The following KLHL13 variants were observed in gnomAD, a reference collection of about 807,000 sequenced individuals.
KLHL13 encodes the protein kelch-like protein 13.
A neutral mutation model predicts 37.1 loss-of-function variants in KLHL13; 10 were observed. The observed-to-expected ratio is 0.27, with a 90% CI of 0.17 to 0.46. The LOEUF is 0.46. Ranked by LOEUF, KLHL13 falls within the 20% of genes least tolerant of loss-of-function variation. The probability of loss-of-function intolerance (pLI) is 1.00; values close to 1 mark genes in which losing one functional copy is unlikely to be tolerated. For missense variants in KLHL13, 360 were observed against 509.3 expected (o/e 0.71, Z 2.82); for synonymous variants, 163 against 181.2 (o/e 0.90, Z 0.81).
chrX:117,913,748 CAGG>C (rs998061977), intron 4 of KLHL13, among the ~76,000 whole-genome samples: 32 of 108,601 alleles, frequency 2.9e-4, no homozygotes, highest in African/African-American at 1.1e-3. Flanking sequence ...GAGGCTGAGG[CAGG>C]AGAATCACTT....
intron 1 of KLHL13, among the ~76,000 whole-genome samples, chrX:118,053,765 T>TTG (rs774059071): frequency 0.012 from 818 of 67,676 alleles, 8 homozygotes; most frequent in African/African-American, 0.017. Flanking sequence ...CAATCTCAAT[T>TTG]TGTGTGTGTG....
intron 1 of KLHL13, among the ~76,000 whole-genome samples, chrX:118,109,066 T>C (rs1418050834): frequency 2.7e-5 from 3 of 112,262 alleles, no homozygotes; most frequent in African/African-American, 9.7e-5. Context: ...TGCTCCCGCC[T>C]AGGCGTCCCA....
chrX:117,951,771 G>A (rs1374585706), intron 1 of KLHL13, among the ~76,000 whole-genome samples: 1 of 112,360 alleles, frequency 8.9e-6, no homozygotes, highest in African/African-American at 3.2e-5. Context: ...CCCAGCACCT[G>A]CTGTGTACTA....
chrX:118,000,300 A>C (rs2053904958), intron 1 of KLHL13, among the ~76,000 whole-genome samples: 1 of 112,055 alleles, frequency 8.9e-6, no homozygotes, highest in Admixed American at 9.5e-5. Context: ...TCAGGCTGCA[A>C]CCTTCTCTCC....
intron 1 of KLHL13, among the ~76,000 whole-genome samples, chrX:118,102,116 T>G (rs1443828553): frequency 9.0e-6 from 1 of 110,751 alleles, no homozygotes; most frequent in Non-Finnish European, 1.9e-5. Flanking sequence ...CAGGCAGGAG[T>G]CAAGTCATGA....
chrX:117,960,951 CT>C (rs1310781561), intron 1 of KLHL13, among the ~76,000 whole-genome samples: 3 of 111,763 alleles, frequency 2.7e-5, no homozygotes, highest in Non-Finnish European at 5.6e-5. Flanking sequence ...TTACTATTAA[CT>C]TTTAATAAGA....
intron 1 of KLHL13, among the ~76,000 whole-genome samples, chrX:118,110,029 C>T (rs1340799572): frequency 1.8e-5 from 2 of 111,329 alleles, no homozygotes; most frequent in Non-Finnish European, 3.8e-5. Flanking sequence ...AAAGAAAATA[C>T]ACCAATTGTG....
At position 117,990,637 on chromosome X, in the gene KLHL13, T is replaced by C. The variant is rs985481706; in HGVS notation, c.-55-45062A>G. 4.4e-4 allele frequency among the ~76,000 whole-genome samples: 49 copies of C among 111,363 alleles called. No homozygotes were observed. In the Admixed American group the frequency reaches 4.5e-3, roughly 10 times the overall value. On this transcript the variant is annotated intron_variant, in intron 1 of 6. Transcript: ENST00000371882. The stretch of plus-strand genomic sequence containing the variant: ...CACTACATGGAGCAAAAAAATGAAA[T>C]AGCAAATTCAACCAAGCAAGTCACT...
intron 1 of KLHL13, among the ~76,000 whole-genome samples, chrX:118,029,053 C>T (rs1383869677): frequency 9.0e-6 from 1 of 111,323 alleles, no homozygotes; most frequent in East Asian, 2.8e-4. Context: ...GGGTTCGGTA[C>T]TCTCCACGTT....
chrX:118,050,034 C>T (rs1253842375), intron 1 of KLHL13, among the ~76,000 whole-genome samples: 1 of 112,185 alleles, frequency 8.9e-6, no homozygotes, highest in African/African-American at 3.2e-5. Flanking sequence ...AATATCATTC[C>T]TCCCGTCTTT....
At chrX:118,110,791 C>T (rs749972130) in intron 1 of KLHL13, among the ~76,000 whole-genome samples, 3 of 111,322 alleles carry the variant, frequency 2.7e-5, no homozygotes, top group Non-Finnish European at 5.6e-5. Context: ...GAATTTCTTA[C>T]CCCCACCCCC....
intron 1 of KLHL13, among the ~76,000 whole-genome samples, chrX:117,997,169 T>C (rs769718175): frequency 9.1e-6 from 1 of 110,226 alleles, no homozygotes; most frequent in South Asian, 3.8e-4. Context: ...CCACCTCTAA[T>C]TTAAATAGTA....
chrX:118,002,323 G>A (rs947319969), intron 1 of KLHL13, among the ~76,000 whole-genome samples: 12 of 110,460 alleles, frequency 1.1e-4, no homozygotes, highest in East Asian at 8.5e-4. Flanking sequence ...GAGGCCAGGC[G>A]CGGTGGCTCA....
chrX:118,035,439 T>A (rs1349765612), intron 1 of KLHL13, among the ~76,000 whole-genome samples: 2 of 109,582 alleles, frequency 1.8e-5, no homozygotes, highest in Non-Finnish European at 3.8e-5. Flanking sequence ...TGGTTCAATA[T>A]ACGCAAATCA....
chrX:117,957,503 G>C (rs2053222410), intron 1 of KLHL13, among the ~76,000 whole-genome samples: 1 of 111,932 alleles, frequency 8.9e-6, no homozygotes, highest in African/African-American at 3.2e-5. Context: ...GGAATATATT[G>C]CTTTTACATA....
intron 1 of KLHL13, among the ~76,000 whole-genome samples, chrX:117,992,022 G>A (rs2053798560): frequency 9.1e-6 from 1 of 109,912 alleles, no homozygotes; most frequent in African/African-American, 3.3e-5. Context: ...AGGATGAGGT[G>A]GCTATCAGTT....
At chrX:117,984,691 T>C (rs1662911810) in intron 1 of KLHL13, among the ~76,000 whole-genome samples, 1 of 111,634 alleles carries the variant, frequency 9.0e-6, no homozygotes, top group Admixed American at 9.6e-5. Context: ...ATAAACATTA[T>C]TGTTGAATGA....
intron 2 of KLHL13, among the ~76,000 whole-genome samples, chrX:117,930,242 GAGGAAGGA>G (rs757311737): frequency 0.011 from 684 of 62,970 alleles, 5 homozygotes; most frequent in African/African-American, 0.02. Context: ...GGAAGGAAGG[GAGGAAGGA>G]AGGAAGGAAG....
intron 1 of KLHL13, among the ~76,000 whole-genome samples, chrX:118,090,721 G>C (rs1369485380): frequency 6.4e-5 from 7 of 109,154 alleles, no homozygotes; most frequent in South Asian, 4.1e-4. Flanking sequence ...TCAGTGTGGC[G>C]ATTCCTCAGG....
Sources: allele counts gnomAD v4.1 joint callset (sites outside exome capture counted in the v4.1 genomes callset), GRCh38; gene constraint gnomAD v4.1.1; transcripts MANE v1.5; gene names NCBI Gene and HGNC (gene_info 2026-07-23, HGNC 2026-07-21).